The following CEP295 variants were observed in gnomAD, a reference collection of about 807,000 sequenced individuals.
CEP295 encodes the protein centrosomal protein 295.
Under a neutral mutation model 291.6 loss-of-function variants are expected in CEP295, and 190 were observed. The observed-to-expected ratio is 0.65, with a 90% CI of 0.58 to 0.73. The LOEUF is 0.73. CEP295 is among the 30% of genes least tolerant of loss of function. The pLI, the probability that CEP295 is intolerant of heterozygous loss-of-function variation, is 0.00. For missense variants in CEP295, 2,863 were observed against 2,949.4 expected (o/e 0.97, Z 0.68); for synonymous variants, 993 against 1,038.8 (o/e 0.96, Z 0.85).
intron 20 of CEP295, chr11:93,722,431 C>T (rs1591153852): frequency 5.7e-6 from 1 of 174,926 alleles, no homozygotes; most frequent in East Asian, 1.7e-4. Flanking sequence ...CACTGCACTC[C>T]AGCCTGAGCA....
chr11:93,697,296 T>C lies in CEP295; in HGVS notation c.2384T>C (p.Phe795Ser), dbSNP rs1397903178. Residue 795 changes from phenylalanine (F) to serine (S), a missense_variant, in exon 15 of 30, where the codon TTT becomes TCT. Physicochemically the swap from Phe to Ser is radical, Grantham distance 155 (BLOSUM62 -2). Transcript: ENST00000325212. ...GTACCACTGGTACCTCAGCATTCTT[T>C]TAGTTCTCTGCCTGTTAAAGTTGAG... ...SFVPLVPQHS[F>S]SSLPVKVESG... The C allele has an allele frequency of 6.4e-7, 1 of 1,551,672 alleles. No individual in the cohort carries two copies. Among genetic ancestry groups the C allele is most frequent in the African/African-American group, 1.4e-5 (1 of 73,042 alleles).
At chr11:93,729,059 TAC>T (rs755406576) in intron 25 of CEP295, 13 of 526,956 alleles carry the variant, frequency 2.5e-5, no homozygotes, top group Non-Finnish European at 4.0e-5. Flanking sequence ...ACTAATCTTA[TAC>T]ACCTAGTGTT....
chr11:93,713,290 A>G (rs1466920752), intron 18 of CEP295, among the ~76,000 whole-genome samples: 1 of 152,188 alleles, frequency 6.6e-6, no homozygotes, highest in East Asian at 1.9e-4. Flanking sequence ...TACTATTACC[A>G]GTGATTTTTG....
intron 12 of CEP295, among the ~76,000 whole-genome samples, chr11:93,692,369 T>C (rs1048100011): frequency 6.6e-6 from 1 of 152,240 alleles, no homozygotes; most frequent in Non-Finnish European, 1.5e-5. Context: ...ATACAATAAA[T>C]AATTGTTGAA....
At chr11:93,700,758 T>C (rs36052699) in intron 15 of CEP295, among the ~76,000 whole-genome samples, 379 of 152,286 alleles carry the variant, frequency 2.5e-3, no homozygotes, top group Non-Finnish European at 4.5e-3. Context: ...AGAGTTTTGT[T>C]TTAATGTATT....
intron 1 of CEP295, among the ~76,000 whole-genome samples, chr11:93,663,472 A>C (rs1266566120): frequency 2.6e-5 from 4 of 152,224 alleles, no homozygotes; most frequent in Non-Finnish European, 4.4e-5. Context: ...GCAATGTGTT[A>C]TATCCTTGGA....
In CEP295 at chr11:93,699,989, A is replaced by G; in HGVS notation, c.5077A>G (p.Arg1693Gly). The change falls in exon 15 of 30, where the codon AGA becomes GGA. Residue 1693 changes from arginine to glycine, a missense_variant. By Grantham distance (125) the Arg-to-Gly change is moderately radical. This residue lies in a region of CEP295 where 2,295 missense variants were observed against 2,335.7 expected (regional missense o/e 0.98). Coordinates refer to ENST00000325212, the MANE Select transcript of CEP295 (RefSeq NM_033395.2). ...TCCTGTGATCCCAGGGTTTCAAGAT[A>G]GACTTTTGAGTTTTTCACAGTCTGT... ...SNPVIPGFQD[R>G]LLSFSQSVLT... 1 of 1,551,748 alleles carries G rather than the reference A, an allele frequency of 6.4e-7. No homozygotes were observed. The highest frequency in any genetic ancestry group is 8.7e-7 in the Non-Finnish European group (1 of 1,146,994).
At chr11:93,676,146 C>T (rs1950676614) in intron 6 of CEP295, among the ~76,000 whole-genome samples, 1 of 151,808 alleles carries the variant, frequency 6.6e-6, no homozygotes, top group South Asian at 2.1e-4. Flanking sequence ...TTTTTTGCTT[C>T]TGTAAGTAAT....
Position 93,698,888 on chromosome 11 carries a change from A to C in CEP295, c.3976A>C (p.Ser1326Arg). The change falls in exon 15 of 30, where the codon AGC becomes CGC. Residue 1326 changes from serine to arginine, a missense_variant. Coordinates refer to ENST00000325212, the MANE Select transcript of CEP295 (RefSeq NM_033395.2). ...FTESESKIFSSHLQIPQLQDR... is the reference protein window; with the variant it reads ...FTESESKIFSRHLQIPQLQDR... ...AGAGAGTGAAAGTAAAATTTTTTCA[A>C]GCCACCTTCAGATCCCACAATTGCA... The C allele has an allele frequency of 6.4e-7, 1 of 1,551,696 alleles. No homozygotes were observed. Among genetic ancestry groups the C allele is most frequent in the Non-Finnish European group, 8.7e-7 (1 of 1,146,970 alleles).
Position 93,730,071 on chromosome 11 carries a change from G to A in CEP295, c.7690G>A (p.Val2564Met), listed in dbSNP as rs764159719. Residue 2564 changes from valine (V) to methionine (M), a missense_variant, in exon 29 of 30, where the codon GTG becomes ATG. Coordinates refer to ENST00000325212, the MANE Select transcript of CEP295 (RefSeq NM_033395.2). ...CAGGTTATACAATCAACTAGCTGAAGTGAAACAACAAAAGGAAGAAAAAAC... is the reference window on the plus strand; with the variant it reads ...CAGGTTATACAATCAACTAGCTGAAATGAAACAACAAAAGGAAGAAAAAAC... ...GLRLYNQLAEVKQQKEEKTKQ... is the reference protein window; with the variant it reads ...GLRLYNQLAEMKQQKEEKTKQ... 6.5e-7 allele frequency: 1 copy of A among 1,550,080 alleles called. No homozygotes were observed. The highest frequency in any genetic ancestry group is 2.4e-5 in the East Asian group (1 of 40,854).
At position 93,697,801 on chromosome 11, in the gene CEP295, C is replaced by G. The variant is rs1306439921; in HGVS notation, c.2889C>G (p.Ser963Arg). The stretch of plus-strand genomic sequence containing the variant: ...AGCAGTTGAATATTCAGAAGGATAG[C>G]CTTCAGGCTAGGCGAGAAGCCCAGG... ...LQEQLNIQKD[S>R]LQARREAQEV... The change falls in exon 15 of 30, where the codon AGC becomes AGG. Residue 963 changes from serine (S) to arginine (R), a missense_variant. This residue lies in a region of CEP295 where 2,295 missense variants were observed against 2,335.7 expected (regional missense o/e 0.98). Coordinates refer to ENST00000325212, the MANE Select transcript of CEP295 (RefSeq NM_033395.2). The G allele has an allele frequency of 6.4e-7, 1 of 1,551,698 alleles. No homozygotes were observed. The highest frequency in any genetic ancestry group is 1.4e-5 in the African/African-American group (1 of 73,170).
At chr11:93,663,299 C>T (rs1950070354) in intron 1 of CEP295, among the ~76,000 whole-genome samples, 1 of 152,188 alleles carries the variant, frequency 6.6e-6, no homozygotes, top group Non-Finnish European at 1.5e-5. Context: ...TTACTTCCCT[C>T]CATTCAGTGT....
chr11:93,706,980 G>A (rs1358447229), intron 18 of CEP295, 83 bp downstream of exon 18: 1 of 1,208,352 alleles, frequency 8.3e-7, no homozygotes, highest in Non-Finnish European at 1.1e-6. Context: ...TTGTAATGGT[G>A]AAAAATGGTA....
chr11:93,721,207 G>C (rs1165932150), intron 18 of CEP295, 105 bp from the exon 19 acceptor site: 3 of 671,318 alleles, frequency 4.5e-6, no homozygotes, highest in African/African-American at 1.8e-5. Context: ...TGAGAAAGTA[G>C]ATTGTAGGAA....
At position 93,727,063 on chromosome 11, in the gene CEP295, T is replaced by A; in HGVS notation, c.6587T>A (p.Ile2196Asn). The A allele has an allele frequency of 6.4e-7, 1 of 1,551,800 alleles. No individual in the cohort carries two copies. Among genetic ancestry groups the A allele is most frequent in the Non-Finnish European group, 8.7e-7 (1 of 1,146,852 alleles). ...GCTGATCTACCAAGTATTTTTAGCA[T>A]TGAAGCAAGAGATTCTTCCCAAGGC... is the stretch of plus-strand genomic sequence containing the variant. ...QHADLPSIFSIEARDSSQGMK... is the reference protein window; with the variant it reads ...QHADLPSIFSNEARDSSQGMK... Residue 2196 changes from isoleucine to asparagine, a missense_variant, in exon 24 of 30, where the codon ATT becomes AAT. Physicochemically the swap from Ile to Asn is moderately radical, Grantham distance 149 (BLOSUM62 -3). This residue lies in a region of CEP295 where 2,295 missense variants were observed against 2,335.7 expected (regional missense o/e 0.98). Transcript: ENST00000325212.
intron 17 of CEP295, among the ~76,000 whole-genome samples, chr11:93,703,767 C>CTTT (rs748490554): frequency 1.4e-4 from 18 of 127,932 alleles, no homozygotes; most frequent in Non-Finnish European, 2.4e-4. Flanking sequence ...CCCTGTAATT[C>CTTT]TTTTTTTTTT....
chr11:93,696,462 T>C, intron 14 of CEP295, 45 bp downstream of exon 14: 1 of 1,259,720 alleles, frequency 7.9e-7, no homozygotes, highest in South Asian at 1.3e-5. Context: ...TGTGGCTACA[T>C]TTTTAGGATT....
chr11:93,730,002 T>A lies in CEP295; in HGVS notation c.7667+33T>A, dbSNP rs1565232338. The A allele has an allele frequency of 4.7e-6, 7 of 1,499,148 alleles. No individual in the cohort carries two copies. The South Asian group carries it at 6.5e-5, about 14-fold the overall frequency. The allele number at this position is 1,499,148 out of a possible 1,614,324, so 92.9% of individuals were successfully genotyped here. On this transcript the variant is annotated intron_variant, in intron 28 of 29. Transcript: ENST00000325212. ...TAATTTTTTTTTTTTTTTTAGTGATTCACTTTTTGCAGTGTTTGTCTCTAA... is the reference window on the plus strand; with the variant it reads ...TAATTTTTTTTTTTTTTTTAGTGATACACTTTTTGCAGTGTTTGTCTCTAA...
intron 14 of CEP295, 72 bp from the exon 15 acceptor site, chr11:93,696,610 A>G: frequency 1.5e-6 from 2 of 1,364,256 alleles, no homozygotes; most frequent in Non-Finnish European, 2.0e-6. Flanking sequence ...TGTTTGTTAA[A>G]TTTAATGTAT....
Sources: allele counts gnomAD v4.1 joint callset (sites outside exome capture counted in the v4.1 genomes callset), GRCh38; gene constraint gnomAD v4.1.1; regional missense constraint gnomAD v4.1.1; transcripts MANE v1.5; gene names NCBI Gene and HGNC (gene_info 2026-07-23, HGNC 2026-07-21).